Variants in ZNF431 observed in about 807,000 individuals in gnomAD.
ZNF431 encodes the protein zinc finger protein 431.
Under a neutral mutation model 57.0 loss-of-function variants are expected in ZNF431, and 34 were observed. The observed-to-expected ratio is 0.60, with a 90% CI of 0.45 to 0.79. The LOEUF is 0.79. Ranked by LOEUF, ZNF431 falls within the 30% of genes least tolerant of loss-of-function variation. The probability of loss-of-function intolerance (pLI) is 0.00; values close to 1 mark genes in which losing one functional copy is unlikely to be tolerated. For synonymous variants in ZNF431, 207 were observed against 220.3 expected (o/e 0.94, Z 0.54); for missense variants, 607 against 667.1 (o/e 0.91, Z 0.99).
Position 21,192,037 on chromosome 19 carries a change from A to C in ZNF431, c.*8003A>C, listed in dbSNP as rs540558956. ...GTAAGGCGTTTCAACTTTTTGGTTA[A>C]ATTTATTTCAAACTATAGTTATTGT... On this transcript the variant is annotated 3_prime_UTR_variant, in exon 5 of 5. Transcript: ENST00000311048. 8.7e-4 allele frequency: 132 copies of C among 152,236 alleles called. 1 individual carries two copies. Among genetic ancestry groups the C allele is most frequent in the African/African-American group, 3.0e-3 (123 of 41,550 alleles). 9.4% of individuals were successfully genotyped at this position (152,236 alleles called of 1,614,324 possible). A position where few individuals can be genotyped will look rare whatever the true frequency, so the allele number is the denominator to read the frequency against.
intron 2 of ZNF431, among the ~76,000 whole-genome samples, chr19:21,165,051 G>C (rs1349607729): frequency 2.0e-5 from 3 of 147,754 alleles, no homozygotes; most frequent in Admixed American, 2.0e-4. Flanking sequence ...GGAGGTTGTG[G>C]TGAGCCGAGA....
intron 1 of ZNF431, 51 bp downstream of exon 1, chr19:21,142,237 C>A (rs767236371): frequency 8.7e-6 from 14 of 1,612,198 alleles, no homozygotes; most frequent in Middle Eastern, 3.3e-4. Context: ...CTGGTTGTAA[C>A]CGGTGGGAAG....
Position 21,183,892 on chromosome 19 carries a change from A to G in ZNF431, c.1589A>G (p.His530Arg), listed in dbSNP as rs375162235. Reference sequence around the variant, plus strand: ...AACCAATCCTCAACTCTTACTAAACATAGGAAAATTCATACTAGACAGAAA... The same window carrying G: ...AACCAATCCTCAACTCTTACTAAACGTAGGAAAATTCATACTAGACAGAAA... ...AFNQSSTLTKHRKIHTRQKPY... is the reference protein window; with the variant it reads ...AFNQSSTLTKRRKIHTRQKPY... The change falls in exon 5 of 5, where the codon CAT becomes CGT. Residue 530 changes from histidine to arginine, a missense_variant. By Grantham distance (29) the His-to-Arg change is conservative. Transcript: ENST00000311048. The G allele has an allele frequency of 3.1e-6, 5 of 1,613,960 alleles. No individual in the cohort carries two copies. In the African/African-American group the frequency reaches 5.3e-5, roughly 17 times the overall value.
At chr19:21,157,326 C>T (rs1191561720) in intron 2 of ZNF431, among the ~76,000 whole-genome samples, 2 of 151,560 alleles carry the variant, frequency 1.3e-5, no homozygotes, top group Non-Finnish European at 2.9e-5. Flanking sequence ...TTAGTAGAGA[C>T]AGAGTTTTGC....
intron 4 of ZNF431, among the ~76,000 whole-genome samples, chr19:21,179,346 T>G (rs1421953288): frequency 6.6e-6 from 1 of 152,140 alleles, no homozygotes; most frequent in African/African-American, 2.4e-5. Flanking sequence ...AAGGGTTTTT[T>G]GGGTCTTTAT....
intron 2 of ZNF431, among the ~76,000 whole-genome samples, chr19:21,152,391 A>C (rs1970298616): frequency 6.6e-6 from 1 of 152,066 alleles, no homozygotes; most frequent in Non-Finnish European, 1.5e-5. Flanking sequence ...TCCCATTAAC[A>C]CTTAAGTTTT....
chr19:21,174,351 GT>G (rs1427658282), intron 4 of ZNF431, among the ~76,000 whole-genome samples: 1 of 152,026 alleles, frequency 6.6e-6, no homozygotes. Context: ...CCACAATTAT[GT>G]TGCTATGTAT....
chr19:21,156,115 G>T (rs752310870), intron 2 of ZNF431, among the ~76,000 whole-genome samples: 2 of 152,156 alleles, frequency 1.3e-5, no homozygotes, highest in Non-Finnish European at 2.9e-5. Flanking sequence ...TAGCATTGTT[G>T]ATTTTAGTGT....
chr19:21,183,841 A>G lies in ZNF431; in HGVS notation c.1538A>G (p.Lys513Arg), dbSNP rs1386320975. The G allele has an allele frequency of 6.2e-7, 1 of 1,613,934 alleles. No individual in the cohort carries two copies. The highest frequency in any genetic ancestry group is 8.5e-7 in the Non-Finnish European group (1 of 1,179,876). ...ATTCATACAGGAGAGAAATCTTACA[A>G]ATGTGAAGAATGTGGTAAAGCCTTT... ...KIIHTGEKSY[K>R]CEECGKAFNQ... Residue 513 changes from lysine to arginine, a missense_variant, in exon 5 of 5, where the codon AAA (lysine) becomes AGA (arginine). Transcript: ENST00000311048.
chr19:21,151,929 G>T (rs749536772), intron 2 of ZNF431, among the ~76,000 whole-genome samples: 1 of 152,254 alleles, frequency 6.6e-6, no homozygotes, highest in Non-Finnish European at 1.5e-5. Flanking sequence ...TCAGAAATTT[G>T]TACACTTTTG....
chr19:21,145,437 A>G (rs996333850), intron 2 of ZNF431, among the ~76,000 whole-genome samples: 4 of 152,198 alleles, frequency 2.6e-5, no homozygotes, highest in Non-Finnish European at 1.5e-5. Flanking sequence ...AGATCGCGCC[A>G]CTGCACTCCA....
At chr19:21,144,035 T>G (rs1970014526) in intron 2 of ZNF431, among the ~76,000 whole-genome samples, 1 of 151,842 alleles carries the variant, frequency 6.6e-6, no homozygotes, top group African/African-American at 2.4e-5. Flanking sequence ...TGGAAGAATC[T>G]CCCAAGTGAT....
chr19:21,148,479 TAGTC>T (rs1357385133), intron 2 of ZNF431, among the ~76,000 whole-genome samples: 4 of 152,220 alleles, frequency 2.6e-5, no homozygotes, highest in East Asian at 3.8e-4. Flanking sequence ...TATTTAACTT[TAGTC>T]AGTATGTTGA....
chr19:21,185,794 A>G lies in ZNF431; in HGVS notation c.*1760A>G, dbSNP rs376053438. On this transcript the variant is annotated 3_prime_UTR_variant, in exon 5 of 5. Coordinates refer to ENST00000311048, the MANE Select transcript of ZNF431 (RefSeq NM_133473.4). Reference sequence around the variant, plus strand: ...ATTTTAATAGGAGAATACAATATATAATAGTAGCAGGGTTAAGTAAGGCAT... The same window carrying G: ...ATTTTAATAGGAGAATACAATATATGATAGTAGCAGGGTTAAGTAAGGCAT... The G allele has an allele frequency of 2.0e-5, 3 of 152,118 alleles. No individual in the cohort carries two copies. The highest frequency in any genetic ancestry group is 4.1e-4 in the South Asian group (2 of 4,822). The allele number at this position is 152,118 out of a possible 1,614,324, so 9.4% of individuals were successfully genotyped here. A position where few individuals can be genotyped will look rare whatever the true frequency, so the allele number is the denominator to read the frequency against.
intron 3 of ZNF431, 76 bp from the exon 4 acceptor site, chr19:21,167,495 T>G (rs1970755389): frequency 1.8e-6 from 2 of 1,120,008 alleles, no homozygotes; most frequent in East Asian, 6.7e-5. Context: ...ATCACATCCT[T>G]TTTACTGAGC....
rs760989025 is a variant in ZNF431, at chr19:21,183,511, A to G, written c.1208A>G (p.Glu403Gly). 6.2e-7 allele frequency: 1 copy of G among 1,613,742 alleles called. No homozygotes were observed. Among genetic ancestry groups the G allele is most frequent in the South Asian group, 1.1e-5 (1 of 91,076 alleles). The stretch of plus-strand genomic sequence containing the variant: ...ACTGGAGAGAAACCCTACAAATGTG[A>G]AGTGTGTGGCAAAGCCTTTAATGAG... Reference protein sequence around the residue: ...IHTGEKPYKCEVCGKAFNESS... With the variant: ...IHTGEKPYKCGVCGKAFNESS... The change falls in exon 5 of 5, where the codon GAA becomes GGA. Residue 403 changes from glutamate (E) to glycine (G), a missense_variant. Transcript: ENST00000311048.
intron 2 of ZNF431, among the ~76,000 whole-genome samples, chr19:21,157,497 C>T (rs935139608): frequency 6.6e-6 from 1 of 151,854 alleles, no homozygotes; most frequent in Non-Finnish European, 1.5e-5. Flanking sequence ...CCACGTTTGT[C>T]TTCTTTTGAA....
At chr19:21,155,200 A>G (rs953077926) in intron 2 of ZNF431, among the ~76,000 whole-genome samples, 1 of 152,186 alleles carries the variant, frequency 6.6e-6, no homozygotes, top group Non-Finnish European at 1.5e-5. Context: ...TTTTTGTATA[A>G]GGTGTAAGGA....
At position 21,189,955 on chromosome 19, in the gene ZNF431, A is replaced by G; in HGVS notation, c.*5921A>G. ...GCCCAGGAGTTTGAGACCAGCCTGGACAACGTGGAAAAACCCCATCTCTAC... is the reference window on the plus strand; with the variant it reads ...GCCCAGGAGTTTGAGACCAGCCTGGGCAACGTGGAAAAACCCCATCTCTAC... On this transcript the variant is annotated 3_prime_UTR_variant, in exon 5 of 5. Transcript: ENST00000311048. 2 of 397,578 alleles carry G rather than the reference A, an allele frequency of 5.0e-6. No individual in the cohort carries two copies. The highest frequency in any genetic ancestry group is 8.9e-6 in the Non-Finnish European group (2 of 225,934). The allele number at this position is 397,578 out of a possible 1,614,324, so 24.6% of individuals were successfully genotyped here.
Sources: gnomAD v4.1 joint callset for allele counts (sites outside exome capture counted in the v4.1 genomes callset) on GRCh38, gnomAD v4.1.1 for gene constraint, MANE v1.5 for transcripts, NCBI Gene and HGNC (gene_info 2026-07-23, HGNC 2026-07-21) for gene names.